RBM44: variants seen among roughly 807,000 people sequenced by gnomAD.
RBM44 encodes the protein RNA binding motif protein 44, also known as RNA-binding protein 44.
A neutral mutation model predicts 105.1 loss-of-function variants in RBM44; 66 were observed. The observed-to-expected ratio is 0.63, with a 90% CI of 0.52 to 0.77. RBM44 has a LOEUF of 0.77. Ranked by LOEUF, RBM44 falls within the 30% of genes least tolerant of loss-of-function variation. RBM44 has a pLI of 0.00. For missense variants in RBM44, 1,122 were observed against 1,207.8 expected (o/e 0.93, Z 1.05); for synonymous variants, 365 against 417.6 (o/e 0.87, Z 1.54).
chr2:237,799,105 A>G (rs1326084330), intron 1 of RBM44: 4 of 151,902 alleles, frequency 2.6e-5, no homozygotes, highest in Non-Finnish European at 5.9e-5. Context: ...GGGCGCCGAC[A>G]CCGCAAAAGT....
At chr2:237,825,731 T>G in intron 10 of RBM44, among the ~76,000 whole-genome samples, 1 of 152,278 alleles carries the variant, frequency 6.6e-6, no homozygotes, top group East Asian at 1.9e-4. Flanking sequence ...TGTGTTGAAG[T>G]AGTGAAAGGT....
rs567490941 is a variant in RBM44, at chr2:237,803,496, T to C, written c.-19+4635T>C. Among the ~76,000 whole-genome samples the C allele has an allele frequency of 2.2e-4, 34 of 152,372 alleles. No individual in the cohort carries two copies. The highest frequency in any genetic ancestry group is 7.7e-4 in the African/African-American group (32 of 41,582). On this transcript the variant is annotated intron_variant, in intron 1 of 15. Transcript: ENST00000316997. The surrounding 1 kb of genome is among the most constrained non-coding windows in gnomAD (Gnocchi z 4.2). ...CCTATAAGCAATTTAAAAAATCTAT[T>C]TGTACAAGTTATTTATGTAATCTGA... is the stretch of plus-strand genomic sequence containing the variant.
intron 1 of RBM44, among the ~76,000 whole-genome samples, chr2:237,802,350 G>A (rs2061553721): frequency 6.6e-6 from 1 of 152,312 alleles, no homozygotes; most frequent in East Asian, 1.9e-4. Flanking sequence ...AACTGTGCAT[G>A]TGAGGGATCT....
rs763364335 is a variant in RBM44, at chr2:237,817,261, A to G, written c.342A>G (p.Ile114Met). 1.9e-6 allele frequency: 3 copies of G among 1,607,814 alleles called. No homozygotes were observed. Among genetic ancestry groups the G allele is most frequent in the Admixed American group, 1.7e-5 (1 of 58,790 alleles). ...CTTTCTTGAATAAAACATATTCTAT[A>G]CCTTATTCAGAGTCAAAACTAAAGA... ...DYAFLNKTYSIPYSESKLKKE... is the reference protein window; with the variant it reads ...DYAFLNKTYSMPYSESKLKKE... Residue 114 changes from isoleucine to methionine, a missense_variant, in exon 3 of 16, where the codon ATA (isoleucine) becomes ATG (methionine). This residue lies in a region of RBM44 where 918 missense variants were observed against 955.3 expected (regional missense o/e 0.96). Transcript: ENST00000316997.
intron 8 of RBM44, among the ~76,000 whole-genome samples, chr2:237,822,692 AT>A (rs2061805704): frequency 6.6e-6 from 1 of 152,116 alleles, no homozygotes; most frequent in Non-Finnish European, 1.5e-5. Flanking sequence ...TAGGAATGGT[AT>A]AACCTGTTTA....
intron 4 of RBM44, among the ~76,000 whole-genome samples, chr2:237,819,258 G>A (rs894872755): frequency 1.2e-4 from 19 of 152,102 alleles, no homozygotes; most frequent in African/African-American, 4.6e-4. Flanking sequence ...TCACCTGTAG[G>A]CCAGAACAAA....
rs746065317 is a variant in RBM44, at chr2:237,829,399, C to T, written c.2783C>T (p.Thr928Ile). ...AGTTCGAATAATTTAGAGAAAAGCA[C>T]CAACAAACAAATCCACTCAGAATTC... The part of the protein sequence containing the change: ...RISSNNLEKS[T>I]NKQIHSEFSI... Residue 928 changes from threonine (T) to isoleucine (I), a missense_variant, in exon 13 of 16, where the codon ACC becomes ATC. Thr to Ile is a moderately conservative substitution (Grantham distance 89). Coordinates refer to ENST00000316997, the MANE Select transcript of RBM44 (RefSeq NM_001080504.3). 3.7e-6 allele frequency: 6 copies of T among 1,613,560 alleles called. No individual in the cohort carries two copies. In the Admixed American group the frequency reaches 8.3e-5, roughly 22 times the overall value.
At chr2:237,830,042 T>C (rs1174253527) in intron 13 of RBM44, among the ~76,000 whole-genome samples, 1 of 152,164 alleles carries the variant, frequency 6.6e-6, no homozygotes, top group Non-Finnish European at 1.5e-5. Context: ...TTGGTGCCTA[T>C]AGCTTTAGAC....
chr2:237,833,667 T>A (rs989773330), intron 13 of RBM44, among the ~76,000 whole-genome samples: 3 of 152,322 alleles, frequency 2.0e-5, no homozygotes, highest in African/African-American at 7.2e-5. Flanking sequence ...ACTAGTTATG[T>A]CCTATCTTTG....
chr2:237,821,170 A>AT lies in RBM44; in HGVS notation c.2013_2014insT (p.His672SerfsTer43), dbSNP rs762384277. On this transcript the variant is annotated frameshift_variant, in exon 6 of 16. Transcript: ENST00000316997. LOFTEE classifies it high-confidence loss of function. ...GATATGTGACTTTGAAAGAAAAAAT[A>AT]CACAAAGGCATACCACTGGAAGAGC... 4 of 1,611,372 alleles carry AT rather than the reference A, an allele frequency of 2.5e-6. No homozygotes were observed. The highest frequency in any genetic ancestry group is 3.3e-4 in the Middle Eastern group (2 of 6,048).
intron 1 of RBM44, 43 bp from the exon 2 acceptor site, chr2:237,813,549 C>CT (rs2061680844): frequency 1.9e-6 from 2 of 1,063,504 alleles, no homozygotes; most frequent in African/African-American, 3.2e-5. Flanking sequence ...TCAATTTATG[C>CT]TTTTTAAGTA....
chr2:237,806,029 A>C (rs1341938457), intron 1 of RBM44, among the ~76,000 whole-genome samples: 1 of 152,166 alleles, frequency 6.6e-6, no homozygotes, highest in Non-Finnish European at 1.5e-5. Flanking sequence ...CATAAACTAT[A>C]AAAATCTTAG....
At chr2:237,839,085 T>A (rs1414052221) in intron 15 of RBM44, among the ~76,000 whole-genome samples, 1 of 152,186 alleles carries the variant, frequency 6.6e-6, no homozygotes, top group Non-Finnish European at 1.5e-5. Flanking sequence ...AAATCACAAG[T>A]TCCTAGTTAC....
chr2:237,820,806 G>T, intron 5 of RBM44: 1 of 316,398 alleles, frequency 3.2e-6, no homozygotes, highest in East Asian at 5.3e-5. Flanking sequence ...CCAGCACTTT[G>T]GGAAGCTGAG....
Position 237,818,043 on chromosome 2 carries a change from A to T in RBM44, c.1124A>T (p.Lys375Ile). The T allele has an allele frequency of 6.2e-7, 1 of 1,612,890 alleles. No individual in the cohort carries two copies. Among genetic ancestry groups the T allele is most frequent in the Non-Finnish European group, 8.5e-7 (1 of 1,179,326 alleles). ...TTAGAGACATTACTCCAACCCTGTA[A>T]AGATTGTCAAACTTCCTGGACCTCT... The part of the protein sequence containing the change: ...KALETLLQPC[K>I]DCQTSWTSVF... The change falls in exon 3 of 16, where the codon AAA becomes ATA. Residue 375 changes from lysine (K) to isoleucine (I), a missense_variant. Around this residue, in one of 3 missense-constraint regions of RBM44, gnomAD observed 918 missense variants for 955.3 expected, o/e 0.96. Transcript: ENST00000316997. This position sits in a 1 kb window ranked among gnomAD's most constrained non-coding sequence, Gnocchi z 4.6.
In RBM44 at chr2:237,823,435, C is replaced by T; in HGVS notation, c.2206-5C>T. 7.8e-7 allele frequency: 1 copy of T among 1,282,336 alleles called. No individual in the cohort carries two copies. The highest frequency in any genetic ancestry group is 1.1e-6 in the Non-Finnish European group (1 of 908,154). The allele number at this position is 1,282,336 out of a possible 1,614,324, so 79.4% of individuals were successfully genotyped here. A position where few individuals can be genotyped will look rare whatever the true frequency, so the allele number is the denominator to read the frequency against. ...ATTTATTGTTTTTATTATCTTAATC[C>T]TCAGATGTCTTTATCATCTGACAAT... On this transcript the variant is annotated splice_region_variant and splice_polypyrimidine_tract_variant and intron_variant, in intron 8 of 15. Coordinates refer to ENST00000316997, the MANE Select transcript of RBM44 (RefSeq NM_001080504.3).
intron 6 of RBM44, 44 bp from the exon 7 acceptor site, chr2:237,821,302 A>T (rs369185392): frequency 2.2e-4 from 349 of 1,555,840 alleles, no homozygotes; most frequent in Non-Finnish European, 2.9e-4. Flanking sequence ...CATTTAGACA[A>T]AACATTTTAA....
chr2:237,818,333 A>C lies in RBM44; in HGVS notation c.1414A>C (p.Thr472Pro). ...VTINQTVDVSTDFRACFTTSR... is the reference protein window; with the variant it reads ...VTINQTVDVSPDFRACFTTSR... ...AATTAATCAGACAGTGGACGTTAGC[A>C]CTGATTTTAGGGCTTGTTTCACAAC... Residue 472 changes from threonine to proline, a missense_variant, in exon 3 of 16, where the codon ACT becomes CCT. By Grantham distance (38) the Thr-to-Pro change is conservative. Transcript: ENST00000316997. This position sits in a 1 kb window ranked among gnomAD's most constrained non-coding sequence, Gnocchi z 4.6. The C allele has an allele frequency of 6.2e-7, 1 of 1,613,306 alleles. No homozygotes were observed. The highest frequency in any genetic ancestry group is 8.5e-7 in the Non-Finnish European group (1 of 1,179,534).
At position 237,818,544 on chromosome 2, in the gene RBM44, G is replaced by A. The variant is rs766226653; in HGVS notation, c.1625G>A (p.Gly542Glu). The A allele has an allele frequency of 2.9e-5, 46 of 1,595,422 alleles. 2 individuals are homozygous for A. In the South Asian group the frequency reaches 5.0e-4, roughly 17 times the overall value. Residue 542 changes from glycine (G) to glutamate (E), a missense_variant, in exon 3 of 16, where the codon GGA (glycine) becomes GAA (glutamate). Around this residue, in one of 3 missense-constraint regions of RBM44, gnomAD observed 918 missense variants for 955.3 expected, o/e 0.96. Coordinates refer to ENST00000316997, the MANE Select transcript of RBM44 (RefSeq NM_001080504.3). The surrounding 1 kb of genome is among the most constrained non-coding windows in gnomAD (Gnocchi z 4.6). ...CAGATGGCTATAACAAAAGGATCAG[G>A]AAAATCTCTCTCCGTTGACAGTTTA... The part of the protein sequence containing the change: ...DTQMAITKGS[G>E]KSLSVDSLKP...
Sources: allele counts gnomAD v4.1 joint callset (sites outside exome capture counted in the v4.1 genomes callset), GRCh38; gene constraint gnomAD v4.1.1; regional missense constraint gnomAD v4.1.1; non-coding constraint Gnocchi (gnomAD v3.1); transcripts MANE v1.5; gene names NCBI Gene and HGNC (gene_info 2026-07-23, HGNC 2026-07-21).